The following PLCH2 variants were observed in gnomAD, a reference collection of about 807,000 sequenced individuals.
PLCH2 encodes phospholipase C eta 2, also known as 1-phosphatidylinositol 4,5-bisphosphate phosphodiesterase eta-2.
PLCH2 carries 98 observed loss-of-function variants against 134.7 expected under a neutral mutation model. The observed-to-expected ratio is 0.73, with a 90% CI of 0.62 to 0.86. The LOEUF (loss-of-function observed/expected upper bound fraction) is 0.86. Among genes scored for constraint, PLCH2 ranks in the 40% least tolerant of loss-of-function variants. The pLI, the probability that PLCH2 is intolerant of heterozygous loss-of-function variation, is 0.00. For missense variants in PLCH2, 1,994 were observed against 1,986.6 expected (o/e 1.00, Z -0.07); for synonymous variants, 974 against 827.5 (o/e 1.18, Z -3.04).
intron 20 of PLCH2, 72 bp from the exon 21 acceptor site, chr1:2,502,040 C>A: frequency 7.5e-7 from 1 of 1,328,600 alleles, no homozygotes; most frequent in Non-Finnish European, 9.9e-7. Flanking sequence ...GTCTGGAGAG[C>A]TGGCCCTGGG....
At chr1:2,494,386 G>A (rs1471085210) in intron 11 of PLCH2, 1 of 184,274 alleles carries the variant, frequency 5.4e-6, no homozygotes, top group African/African-American at 2.4e-5. Context: ...TGCCCACCTG[G>A]AGCCGTGTGT....
At chr1:2,417,550 G>C in the PLCH2 span, among the ~76,000 whole-genome samples, 1 of 152,170 alleles carries the variant, frequency 6.6e-6, no homozygotes, top group African/African-American at 2.4e-5. Context: ...CCACGAGGGA[G>C]GCCCAAGCTG....
rs1314849488 is a variant in PLCH2, at chr1:2,498,668, G to A, written c.2349+21G>A. On this transcript the variant is annotated intron_variant, in intron 17 of 21. Coordinates refer to ENST00000378486, the MANE Select transcript of PLCH2 (RefSeq NM_014638.4). The surrounding 1 kb of genome is among the most constrained non-coding windows in gnomAD (Gnocchi z 5.4). ...GGGAGGTGGGGGCCAGCCCCACACAGGCGGGAGGGGTGGGAGTTGGGGGCG... is the reference window on the plus strand; with the variant it reads ...GGGAGGTGGGGGCCAGCCCCACACAAGCGGGAGGGGTGGGAGTTGGGGGCG... 2 of 1,505,082 alleles carry A rather than the reference G, an allele frequency of 1.3e-6. No individual in the cohort carries two copies. The highest frequency in any genetic ancestry group is 1.8e-6 in the Non-Finnish European group (2 of 1,105,856). The allele number at this position is 1,505,082 out of a possible 1,614,324, so 93.2% of individuals were successfully genotyped here. A position where few individuals can be genotyped will look rare whatever the true frequency, so the allele number is the denominator to read the frequency against.
intron 21 of PLCH2, chr1:2,503,450 C>T (rs1570507071): frequency 1.7e-6 from 1 of 602,428 alleles, no homozygotes; most frequent in Non-Finnish European, 3.0e-6. Context: ...GGAGTAGATT[C>T]CCTGGGCCCC....
chr1:2,418,455 C>T, the PLCH2 span, among the ~76,000 whole-genome samples: 2 of 152,214 alleles, frequency 1.3e-5, no homozygotes, highest in Non-Finnish European at 2.9e-5. Flanking sequence ...CCACCACGTG[C>T]TAGAAGGAGG....
At chr1:2,436,349 TCCCTTCCTCCCTCCTC>T (rs1421271038) in intron 2 of PLCH2, among the ~76,000 whole-genome samples, 1 of 23,098 alleles carries the variant, frequency 4.3e-5, no homozygotes, top group South Asian at 1.9e-3. Context: ...CCACCTTTCC[TCCCTTCCTCCCTCCTC>T]CCTTCCTCCC....
intron 2 of PLCH2, among the ~76,000 whole-genome samples, chr1:2,457,334 T>A (rs2100574102): frequency 6.6e-6 from 1 of 152,110 alleles, no homozygotes; most frequent in East Asian, 1.9e-4. Flanking sequence ...TTTCCAGCCA[T>A]GGCTGGGACC....
At chr1:2,434,808 C>T (rs1370304457) in intron 2 of PLCH2, among the ~76,000 whole-genome samples, 3 of 152,226 alleles carry the variant, frequency 2.0e-5, no homozygotes, top group Non-Finnish European at 1.5e-5. Flanking sequence ...TGATGTGCTT[C>T]ACCTGGAAAT....
At chr1:2,472,919 C>T (rs183822931), upstream of PLCH2, among the ~76,000 whole-genome samples, 625 of 151,882 alleles carry the variant, frequency 4.1e-3, 11 homozygotes, top group Non-Finnish European at 6.0e-3. Context: ...GTGTACATGC[C>T]GGGAGGCCTG....
chr1:2,416,912 A>C, the PLCH2 span, among the ~76,000 whole-genome samples: 1 of 152,146 alleles, frequency 6.6e-6, no homozygotes, highest in Non-Finnish European at 1.5e-5. Flanking sequence ...TGGGTCTGAC[A>C]GCAGAGCCAG....
intron 2 of PLCH2, among the ~76,000 whole-genome samples, chr1:2,437,336 T>C (rs2494639): frequency 0.51 from 78,074 of 151,978 alleles, 21,420 homozygotes; most frequent in East Asian, 0.75. Context: ...AGTGCCCAGC[T>C]CCTACTCCTG....
rs530748396 is a variant in PLCH2, at chr1:2,504,061, C to T, written c.3099C>T (p.Tyr1033=). 45 of 1,548,000 alleles carry T rather than the reference C, an allele frequency of 2.9e-5. No individual in the cohort carries two copies. The highest frequency in any genetic ancestry group is 4.1e-5 in the African/African-American group (3 of 72,966). The stretch of plus-strand genomic sequence containing the variant: ...GCTCTTCTCAGGGACGGCCCCCATA[C>T]CCCACAGGACCCGGAGCCAATGTGG... The part of the protein sequence containing the change: ...PTSSSQGRPP[Y]PTGPGANVAS... Residue 1033 remains tyrosine (Y), a synonymous_variant, in exon 22 of 22, where the codon TAC becomes TAT. Transcript: ENST00000378486.
chr1:2,500,465 G>C (rs1484719448), intron 20 of PLCH2: 1 of 152,582 alleles, frequency 6.6e-6, no homozygotes, highest in African/African-American at 2.4e-5. Context: ...CACTGCTGTG[G>C]CCGCCTCACC....
rs1266820213 is a variant in PLCH2, at chr1:2,489,090, C to T, written c.1236-117C>T. 44 of 926,812 alleles carry T rather than the reference C, an allele frequency of 4.7e-5. No individual in the cohort carries two copies. The Admixed American group carries it at 8.9e-4, about 19-fold the overall frequency. 57.4% of individuals were successfully genotyped at this position (926,812 alleles called of 1,614,324 possible). On this transcript the variant is annotated intron_variant, in intron 8 of 21. Coordinates refer to ENST00000378486, the MANE Select transcript of PLCH2 (RefSeq NM_014638.4). Reference sequence around the variant, plus strand: ...TGGTAATCCCAGCTATCCTGGGTTCCTGGTGAAGACCCCTCCTCATTCAAT... The same window carrying T: ...TGGTAATCCCAGCTATCCTGGGTTCTTGGTGAAGACCCCTCCTCATTCAAT...
chr1:2,420,543 G>C, the PLCH2 span, among the ~76,000 whole-genome samples: 1 of 152,156 alleles, frequency 6.6e-6, no homozygotes, highest in African/African-American at 2.4e-5. Context: ...ACCACAGGAA[G>C]GGCCTCAAGT....
At position 2,498,220 on chromosome 1, in the gene PLCH2, G is replaced by A; in HGVS notation, c.2225-303G>A. The A allele has an allele frequency of 4.9e-6, 2 of 409,072 alleles. No individual in the cohort carries two copies. The highest frequency in any genetic ancestry group is 4.1e-5 in the Admixed American group (1 of 24,464). The allele number at this position is 409,072 out of a possible 1,614,324, so 25.3% of individuals were successfully genotyped here. A position where few individuals can be genotyped will look rare whatever the true frequency, so the allele number is the denominator to read the frequency against. ...GTGGGCCCTGGGGACACTGTCACCA[G>A]AGACCCCACCCCTCATACCCCCAGG... is the stretch of plus-strand genomic sequence containing the variant. On this transcript the variant is annotated intron_variant, in intron 16 of 21. Coordinates refer to ENST00000378486, the MANE Select transcript of PLCH2 (RefSeq NM_014638.4). The surrounding 1 kb of genome is among the most constrained non-coding windows in gnomAD (Gnocchi z 5.4).
In PLCH2 at chr1:2,498,877, G is replaced by C. The variant is rs749097711; in HGVS notation, c.2434+49G>C. On this transcript the variant is annotated intron_variant, in intron 18 of 21. Coordinates refer to ENST00000378486, the MANE Select transcript of PLCH2 (RefSeq NM_014638.4). This position sits in a 1 kb window ranked among gnomAD's most constrained non-coding sequence, Gnocchi z 5.4. ...CACACCTGTGATGGAAGTCTGAGGG[G>C]GGAGGGTTGGGGCTACCTGGTGTGC... 16 of 1,468,640 alleles carry C rather than the reference G, an allele frequency of 1.1e-5. No individual in the cohort carries two copies. The highest frequency in any genetic ancestry group is 7.1e-5 in the South Asian group (6 of 84,438). The allele number at this position is 1,468,640 out of a possible 1,614,324, so 91.0% of individuals were successfully genotyped here.
At position 2,498,675 on chromosome 1, in the gene PLCH2, G is replaced by A. The variant is rs761960178; in HGVS notation, c.2349+28G>A. The A allele has an allele frequency of 2.6e-6, 4 of 1,535,172 alleles. No individual in the cohort carries two copies. Among genetic ancestry groups the A allele is most frequent in the Non-Finnish European group, 2.7e-6 (3 of 1,130,646 alleles). Reference sequence around the variant, plus strand: ...GGGGGCCAGCCCCACACAGGCGGGAGGGGTGGGAGTTGGGGGCGGGCCGGG... The same window carrying A: ...GGGGGCCAGCCCCACACAGGCGGGAAGGGTGGGAGTTGGGGGCGGGCCGGG... On this transcript the variant is annotated intron_variant, in intron 17 of 21. Transcript: ENST00000378486. This position sits in a 1 kb window ranked among gnomAD's most constrained non-coding sequence, Gnocchi z 5.4.
rs761985158 is a variant in PLCH2, at chr1:2,502,355, G to C, written c.2905G>C (p.Gly969Arg). 1.9e-6 allele frequency: 3 copies of C among 1,540,450 alleles called. No individual in the cohort carries two copies. In the South Asian group the frequency reaches 3.6e-5, roughly 19 times the overall value. The change falls in exon 21 of 22, where the codon GGA becomes CGA. Residue 969 changes from glycine to arginine, a missense_variant. Coordinates refer to ENST00000378486, the MANE Select transcript of PLCH2 (RefSeq NM_014638.4). The stretch of plus-strand genomic sequence containing the variant: ...AGACGATGTGGTGCCCCCCGGGCCC[G>C]GACCTGCTCCGGAAGCCCCAGCCCA... ...VADDVVPPGP[G>R]PAPEAPAQEG...
Sources: allele counts gnomAD v4.1 joint callset (sites outside exome capture counted in the v4.1 genomes callset), GRCh38; gene constraint gnomAD v4.1.1; non-coding constraint Gnocchi (gnomAD v3.1); transcripts MANE v1.5; gene names NCBI Gene and HGNC (gene_info 2026-07-23, HGNC 2026-07-21).